Variants in KALRN observed in about 807,000 individuals in gnomAD.
The protein encoded by KALRN is kalirin.
KALRN carries 70 observed loss-of-function variants against 353.7 expected under a neutral mutation model. The observed-to-expected ratio is 0.20, with a 90% confidence interval of 0.16 to 0.24. The LOEUF (loss-of-function observed/expected upper bound fraction) is 0.24. Among genes scored for constraint, KALRN ranks in the 10% least tolerant of loss-of-function variants. The pLI, the probability that KALRN is intolerant of heterozygous loss-of-function variation, is 1.00. For missense variants in KALRN, 2,791 were observed against 3,756.7 expected (o/e 0.74, Z 6.72); for synonymous variants, 1,391 against 1,434.8 (o/e 0.97, Z 0.69).
chr3:124,088,432 C>T (rs2060937227), intron 1 of KALRN, among the ~76,000 whole-genome samples: 1 of 152,102 alleles, frequency 6.6e-6, no homozygotes, highest in Non-Finnish European at 1.5e-5. Context: ...GAATCTGCCC[C>T]CTCCTGAAGG....
chr3:124,488,389 G>A lies in KALRN; in HGVS notation c.4396+74G>A, dbSNP rs755243299. On this transcript the variant is annotated intron_variant, in intron 29 of 59. Transcript: ENST00000682506. The stretch of plus-strand genomic sequence containing the variant: ...GGGGAGCTTGTATCATGGGAGGGAA[G>A]TGGCATGAAGTTAGACAAGGTGCAA... 8.2e-6 allele frequency: 8 copies of A among 972,862 alleles called. No individual in the cohort carries two copies. The Admixed American group carries it at 1.2e-4, about 15-fold the overall frequency. The allele number at this position is 972,862 out of a possible 1,614,324, so 60.3% of individuals were successfully genotyped here. A position where few individuals can be genotyped will look rare whatever the true frequency, so the allele number is the denominator to read the frequency against.
At chr3:124,084,697 T>G (rs1224177772) in intron 1 of KALRN, among the ~76,000 whole-genome samples, 2 of 152,240 alleles carry the variant, frequency 1.3e-5, no homozygotes, top group East Asian at 3.8e-4. Flanking sequence ...CTTTGGCTTC[T>G]TTTTTCTGTT....
intron 1 of KALRN, among the ~76,000 whole-genome samples, chr3:124,118,128 C>T (rs371899777): frequency 2.2e-3 from 329 of 152,270 alleles, no homozygotes; most frequent in African/African-American, 7.3e-3. Flanking sequence ...AGAGTGCCTT[C>T]CCTCAGGGTG....
intron 10 of KALRN, among the ~76,000 whole-genome samples, chr3:124,372,427 C>T (rs1032837743): frequency 4.0e-5 from 6 of 151,888 alleles, no homozygotes; most frequent in Non-Finnish European, 7.4e-5. Flanking sequence ...ATGTGAATTC[C>T]AGATCAACAT....
Position 124,495,986 on chromosome 3 carries a change from T to TAC in KALRN, c.4833-324_4833-323insCA, listed in dbSNP as rs1328398797. ...GTATGTATATATATATATATATATA[T>TAC]ATATATATATATATATATATATATA... On this transcript the variant is annotated intron_variant, in intron 32 of 59. Coordinates refer to ENST00000682506, the MANE Select transcript of KALRN (RefSeq NM_001388419.1). Among the ~76,000 whole-genome samples, 326 of 52,772 alleles carry TAC rather than the reference T, an allele frequency of 6.2e-3. 19 individuals are homozygous for TAC. The highest frequency in any genetic ancestry group is 0.017 in the African/African-American group (196 of 11,806). 34.6% of individuals were successfully genotyped at this position (52,772 alleles called of 152,430 possible).
intron 1 of KALRN, among the ~76,000 whole-genome samples, chr3:124,118,560 C>T (rs1489178487): frequency 6.6e-6 from 1 of 152,198 alleles, no homozygotes; most frequent in Non-Finnish European, 1.5e-5. Context: ...CCCTCTGTCC[C>T]TCACGTGGGC....
intron 1 of KALRN, among the ~76,000 whole-genome samples, chr3:124,147,265 G>A (rs1578606072): frequency 6.6e-6 from 1 of 152,128 alleles, no homozygotes; most frequent in Non-Finnish European, 1.5e-5. Context: ...TGCCCATCCA[G>A]ACATTCCAGA....
intron 3 of KALRN, among the ~76,000 whole-genome samples, chr3:124,257,453 T>G (rs1413415269): frequency 6.6e-6 from 1 of 152,222 alleles, no homozygotes; most frequent in East Asian, 1.9e-4. Flanking sequence ...AGTGCTTTTC[T>G]GAGATAGCAC....
chr3:124,137,153 G>C (rs1282399653), intron 1 of KALRN, among the ~76,000 whole-genome samples: 1 of 152,176 alleles, frequency 6.6e-6, no homozygotes, highest in African/African-American at 2.4e-5. Flanking sequence ...GGACACTGGA[G>C]TCGCCGGTTT....
At chr3:124,430,536 T>G (rs2093224419) in intron 15 of KALRN, 120 bp from the exon 16 acceptor site, 1 of 1,205,948 alleles carries the variant, frequency 8.3e-7, no homozygotes, top group African/African-American at 1.5e-5. Context: ...TTTGCTGTCC[T>G]CTCTCCAACA....
intron 57 of KALRN, among the ~76,000 whole-genome samples, chr3:124,711,966 C>T (rs565506813): frequency 2.2e-4 from 33 of 152,164 alleles, no homozygotes; most frequent in Admixed American, 2.0e-3. Context: ...AAATGATGGA[C>T]TCTTTAAAAT....
chr3:124,410,156 A>G, intron 13 of KALRN: 1 of 521,704 alleles, frequency 1.9e-6, no homozygotes, highest in South Asian at 1.5e-5. Context: ...CAGACCTCTG[A>G]GATCACTCTC....
intron 1 of KALRN, among the ~76,000 whole-genome samples, chr3:124,156,509 G>A (rs531584999): frequency 6.6e-6 from 1 of 152,252 alleles, no homozygotes; most frequent in South Asian, 2.1e-4. Context: ...ATTTTGTAAT[G>A]AATCTCATCT....
intron 3 of KALRN, among the ~76,000 whole-genome samples, chr3:124,245,459 G>T (rs1266015507): frequency 6.6e-6 from 1 of 152,122 alleles, no homozygotes; most frequent in Non-Finnish European, 1.5e-5. Context: ...GGGAGTGCAG[G>T]TATCTTTTTG....
chr3:124,270,824 G>GTTTTTTTTTTTTTTTTTTTTTTTTT (rs777615656), intron 5 of KALRN, among the ~76,000 whole-genome samples: 1 of 78,654 alleles, frequency 1.3e-5, no homozygotes, highest in African/African-American at 5.2e-5. Context: ...TTTTTGTTTT[G>GTTTTTTTTTTTTTTTTTTTTTTTTT]TTTTTTTTTT....
At chr3:124,306,250 T>G (rs926944295) in intron 6 of KALRN, among the ~76,000 whole-genome samples, 8 of 152,128 alleles carry the variant, frequency 5.3e-5, no homozygotes, top group African/African-American at 1.9e-4. Flanking sequence ...AATTTTTCAT[T>G]TTTTGTAAAT....
intron 8 of KALRN, among the ~76,000 whole-genome samples, chr3:124,331,524 A>T (rs1223382723): frequency 6.6e-6 from 1 of 152,224 alleles, no homozygotes; most frequent in Non-Finnish European, 1.5e-5. Context: ...TCTGACAGTA[A>T]TGAATACTAA....
At chr3:124,519,520 G>A (rs867250543) in intron 33 of KALRN, 4 of 985,362 alleles carry the variant, frequency 4.1e-6, no homozygotes, top group Middle Eastern at 1.0e-3. Flanking sequence ...ATTTCTGAGA[G>A]GTCCTGAAGT....
intron 15 of KALRN, 46 bp from the exon 16 acceptor site, chr3:124,430,610 A>G: frequency 1.2e-6 from 2 of 1,606,448 alleles, no homozygotes; most frequent in Non-Finnish European, 1.7e-6. Context: ...AGCTCTGGGG[A>G]AACTGCGGAA....
Sources: gnomAD v4.1 joint callset for allele counts (sites outside exome capture counted in the v4.1 genomes callset) on GRCh38, gnomAD v4.1.1 for gene constraint, MANE v1.5 for transcripts, NCBI Gene and HGNC (gene_info 2026-07-23, HGNC 2026-07-21) for gene names.